The following RUSC2 variants were observed in gnomAD, a reference collection of about 807,000 sequenced individuals.
The protein encoded by RUSC2 is AP-4 complex accessory subunit RUSC2.
RUSC2 carries 34 observed loss-of-function variants against 122.2 expected under a neutral mutation model. The ratio of observed to expected loss-of-function variants is 0.28; its 90% CI spans 0.21 to 0.37. The LOEUF (loss-of-function observed/expected upper bound fraction) is 0.37, where lower values mean the gene tolerates loss of function less well. Ranked by LOEUF, RUSC2 falls within the 10% of genes least tolerant of loss-of-function variation. The pLI is 1.00. For synonymous variants in RUSC2, 784 were observed against 790.0 expected (o/e 0.99, Z 0.13); for missense variants, 1,747 against 1,952.4 (o/e 0.89, Z 1.98).
In RUSC2 at chr9:35,549,302, T is replaced by TG. The variant is rs1237990602; in HGVS notation, c.2014+767_2014+768insG. 82 of 942,402 alleles carry TG rather than the reference T, an allele frequency of 8.7e-5. No homozygotes were observed. In the African/African-American group the frequency reaches 1.4e-3, roughly 16 times the overall value. 58.4% of individuals were successfully genotyped at this position (942,402 alleles called of 1,614,324 possible). On this transcript the variant is annotated intron_variant, in intron 2 of 11. Coordinates refer to ENST00000361226, the MANE Select transcript of RUSC2 (RefSeq NM_014806.5). ...ACTGGGCGTCAGTGAAGTTTTTTTT[T>TG]TTTTCTTTTTGAGACGGAGTCTTGC...
rs111468168 is a variant in RUSC2 at position 35,561,631 on chromosome 9, G to A, written c.*249G>A. On this transcript the variant is annotated 3_prime_UTR_variant, in exon 12 of 12. Transcript: ENST00000361226. The stretch of plus-strand genomic sequence containing the variant: ...TGGGCTGCCAGGATTCCCCTGGCCC[G>A]TCTGGGCCAACCCTTCCATGGGTGA... 12 of 563,456 alleles carry A rather than the reference G, an allele frequency of 2.1e-5. No individual in the cohort carries two copies. Among genetic ancestry groups the A allele is most frequent in the South Asian group, 1.2e-4 (5 of 41,796 alleles). 34.9% of individuals were successfully genotyped at this position (563,456 alleles called of 1,614,324 possible).
intron 1 of RUSC2, among the ~76,000 whole-genome samples, chr9:35,517,482 C>A (rs371285331): frequency 6.7e-6 from 1 of 150,020 alleles, no homozygotes; most frequent in South Asian, 2.2e-4. Flanking sequence ...GGGATACAGG[C>A]CCCAGATCAG....
Position 35,560,104 on chromosome 9 carries a change from A to AGCT in RUSC2, c.3477_3479dup (p.Leu1160dup). On this transcript the variant is annotated inframe_insertion, in exon 10 of 12. Transcript: ENST00000361226. The stretch of plus-strand genomic sequence containing the variant: ...ACCGTGTGTCCCGGCCTCTTTGAAG[A>AGCT]GCTGCTGCTGCTGCTACAGCCCCTG... 1 of 1,613,242 alleles carries AGCT rather than the reference A, an allele frequency of 6.2e-7. No homozygotes were observed. Among genetic ancestry groups the AGCT allele is most frequent in the Non-Finnish European group, 8.5e-7 (1 of 1,179,880 alleles).
At position 35,555,406 on chromosome 9, in the gene RUSC2, C is replaced by T; in HGVS notation, c.2361C>T (p.Gly787=). The change falls in exon 3 of 12, where the codon GGC becomes GGT. Residue 787 remains glycine, a synonymous_variant. Transcript: ENST00000361226. The surrounding 1 kb of genome is among the most constrained non-coding windows in gnomAD (Gnocchi z 4.6). ...LGSYSPIRSV[G]PFGPSTDSSA... is the part of the protein sequence containing the mutation. ...GCTACTCCCCCATCCGGAGTGTTGGCCCCTTTGGGCCCAGCACTGACTCTT... is the reference window on the plus strand; with the variant it reads ...GCTACTCCCCCATCCGGAGTGTTGGTCCCTTTGGGCCCAGCACTGACTCTT... 2 of 1,614,250 alleles carry T rather than the reference C, an allele frequency of 1.2e-6. No individual in the cohort carries two copies. The highest frequency in any genetic ancestry group is 2.2e-5 in the South Asian group (2 of 91,090).
In RUSC2 at chr9:35,555,707, A is replaced by G. The variant is rs1822001727; in HGVS notation, c.2656+6A>G. The G allele has an allele frequency of 6.3e-7, 1 of 1,577,982 alleles. No individual in the cohort carries two copies. The highest frequency in any genetic ancestry group is 1.4e-5 in the African/African-American group (1 of 73,174). ...GGCCACCAGGCCCAGTAATGGTACG[A>G]GCTCCAGCATCTCCCTACCCAACCC... On this transcript the variant is annotated splice_donor_region_variant and intron_variant, in intron 3 of 11. Transcript: ENST00000361226. The surrounding 1 kb of genome is among the most constrained non-coding windows in gnomAD (Gnocchi z 4.6).
intron 1 of RUSC2, among the ~76,000 whole-genome samples, chr9:35,539,637 A>G (rs1010526841): frequency 6.6e-6 from 1 of 152,128 alleles, no homozygotes; most frequent in African/African-American, 2.4e-5. Flanking sequence ...TTCTGGTGCT[A>G]TGGGAGCCAC....
At position 35,533,246 on chromosome 9, in the gene RUSC2, CAA is replaced by C. The variant is rs67387968; in HGVS notation, c.-92-13171_-92-13170del. ...TGGGTGACAGAGCGAGACTCTGTCTCAAAAAAAAAAAAAAGAAGAATTTGGTG... is the reference window on the plus strand; with the variant it reads ...TGGGTGACAGAGCGAGACTCTGTCTCAAAAAAAAAAAAGAAGAATTTGGTG... On this transcript the variant is annotated intron_variant, in intron 1 of 11. Coordinates refer to ENST00000361226, the MANE Select transcript of RUSC2 (RefSeq NM_014806.5). 6.5e-5 allele frequency among the ~76,000 whole-genome samples: 8 copies of C among 122,934 alleles called. No individual in the cohort carries two copies. The East Asian group carries it at 7.8e-4, about 12-fold the overall frequency. The allele number at this position is 122,934 out of a possible 152,430, so 80.6% of individuals were successfully genotyped here.
intron 1 of RUSC2, among the ~76,000 whole-genome samples, chr9:35,506,215 T>C (rs1339046196): frequency 6.6e-6 from 1 of 152,146 alleles, no homozygotes; most frequent in Non-Finnish European, 1.5e-5. Context: ...GTGGTCAGAG[T>C]TGCATAACTG....
At position 35,557,080 on chromosome 9, in the gene RUSC2, A is replaced by G. The variant is rs1220163365; in HGVS notation, c.2983+632A>G. Among the ~76,000 whole-genome samples, 1 of 152,150 alleles carries G rather than the reference A, an allele frequency of 6.6e-6. No individual in the cohort carries two copies. Among genetic ancestry groups the G allele is most frequent in the African/African-American group, 2.4e-5 (1 of 41,426 alleles). On this transcript the variant is annotated intron_variant, in intron 5 of 11. Coordinates refer to ENST00000361226, the MANE Select transcript of RUSC2 (RefSeq NM_014806.5). This position sits in a 1 kb window ranked among gnomAD's most constrained non-coding sequence, Gnocchi z 4.6. ...GGCGGGTGAAGGTACTAGAGGGCCCAGCAGCTTGGGTAAGAGTGTTGGTGA... is the reference window on the plus strand; with the variant it reads ...GGCGGGTGAAGGTACTAGAGGGCCCGGCAGCTTGGGTAAGAGTGTTGGTGA...
intron 1 of RUSC2, among the ~76,000 whole-genome samples, chr9:35,494,299 C>G (rs147649135): frequency 1.5e-3 from 221 of 152,190 alleles, no homozygotes; most frequent in African/African-American, 5.1e-3. Context: ...AACTCCATCT[C>G]TACTGAAAAT....
chr9:35,559,127 CG>C, intron 8 of RUSC2, 98 bp from the exon 9 acceptor site: 1 of 919,250 alleles, frequency 1.1e-6, no homozygotes, highest in Non-Finnish European at 1.8e-6. Flanking sequence ...CATGGAAGGG[CG>C]TGTTCACCTA....
At chr9:35,530,823 G>A (rs541210102) in intron 1 of RUSC2, among the ~76,000 whole-genome samples, 71 of 151,958 alleles carry the variant, frequency 4.7e-4, no homozygotes, top group African/African-American at 1.7e-3. Flanking sequence ...TATTTTTGTA[G>A]AGACAGGGTT....
chr9:35,513,903 CATATATATATATATATATAT>C lies in RUSC2; in HGVS notation c.-93+23748_-93+23767del, dbSNP rs3068511. 3.3e-3 allele frequency among the ~76,000 whole-genome samples: 345 copies of C among 104,222 alleles called. 3 individuals are homozygous for C. Among genetic ancestry groups the C allele is most frequent in the African/African-American group, 7.3e-3 (196 of 26,900 alleles). 68.4% of individuals were successfully genotyped at this position (104,222 alleles called of 152,430 possible). On this transcript the variant is annotated intron_variant, in intron 1 of 11. Transcript: ENST00000361226. ...CTTTTGTAAATAGTGCTTCAACAAA[CATATATATATATATATATAT>C]ATATATATATATATATTACTTTATG...
chr9:35,528,891 A>T (rs2132527345), intron 1 of RUSC2, among the ~76,000 whole-genome samples: 1 of 152,278 alleles, frequency 6.6e-6, no homozygotes, highest in East Asian at 1.9e-4. Flanking sequence ...TTCAAGACAG[A>T]CCTGACCAAC....
rs1822042911 is a variant in RUSC2, at chr9:35,557,272, C to CA, written c.2984-641dup. ...CCTTGCAAAGGCAGAAGGGGAGAAT[C>CA]AGAGCTCAGGGAGAAAGAACCCGGG... On this transcript the variant is annotated intron_variant, in intron 5 of 11. Coordinates refer to ENST00000361226, the MANE Select transcript of RUSC2 (RefSeq NM_014806.5). This position sits in a 1 kb window ranked among gnomAD's most constrained non-coding sequence, Gnocchi z 4.6. 1.3e-5 allele frequency among the ~76,000 whole-genome samples: 2 copies of CA among 152,086 alleles called. No individual in the cohort carries two copies. The highest frequency in any genetic ancestry group is 4.2e-4 in the South Asian group (2 of 4,818).
chr9:35,547,883 G>C lies in RUSC2; in HGVS notation c.1362G>C (p.Gln454His). ...EYYLFQKPEV[Q>H]PEEQEAVSSS... ...ACCTATTCCAGAAGCCAGAAGTCCA[G>C]CCAGAGGAACAAGAAGCAGTGAGTT... Residue 454 changes from glutamine to histidine, a missense_variant, in exon 2 of 12, where the codon CAG (glutamine) becomes CAC (histidine). Gln to His is a conservative substitution (Grantham distance 24). Transcript: ENST00000361226. This position sits in a 1 kb window ranked among gnomAD's most constrained non-coding sequence, Gnocchi z 4.6. The C allele has an allele frequency of 6.2e-7, 1 of 1,614,202 alleles. No individual in the cohort carries two copies. The highest frequency in any genetic ancestry group is 8.5e-7 in the Non-Finnish European group (1 of 1,180,046).
At chr9:35,559,716 C>T (rs375034139) in intron 9 of RUSC2, among the ~76,000 whole-genome samples, 2 of 152,164 alleles carry the variant, frequency 1.3e-5, no homozygotes, top group South Asian at 4.1e-4. Flanking sequence ...GCTTGGGCAA[C>T]AGAGTGAGAC....
chr9:35,561,445 C>G lies in RUSC2; in HGVS notation c.*63C>G. On this transcript the variant is annotated 3_prime_UTR_variant, in exon 12 of 12. Coordinates refer to ENST00000361226, the MANE Select transcript of RUSC2 (RefSeq NM_014806.5). ...ACCCCCAGACTCAGAGCCCGAGAGC[C>G]CTTCCCAAGCCATTGGCTTGGCTGC... 4 of 1,394,204 alleles carry G rather than the reference C, an allele frequency of 2.9e-6. No individual in the cohort carries two copies. In the East Asian group the frequency reaches 9.2e-5, roughly 32 times the overall value. 86.4% of individuals were successfully genotyped at this position (1,394,204 alleles called of 1,614,324 possible).
At chr9:35,529,234 A>G (rs377264768) in intron 1 of RUSC2, among the ~76,000 whole-genome samples, 1 of 152,162 alleles carries the variant, frequency 6.6e-6, no homozygotes, top group South Asian at 2.1e-4. Context: ...GCAAACTCAG[A>G]TGCCTTATAG....
Sources: allele counts gnomAD v4.1 joint callset (sites outside exome capture counted in the v4.1 genomes callset), GRCh38; gene constraint gnomAD v4.1.1; non-coding constraint Gnocchi (gnomAD v3.1); transcripts MANE v1.5; gene names NCBI Gene and HGNC (gene_info 2026-07-23, HGNC 2026-07-21).